WASF3: variants seen among roughly 807,000 people sequenced by gnomAD.
The protein encoded by WASF3 is WASP family member 3, also known as actin-binding protein WASF3.
A neutral mutation model predicts 46.6 loss-of-function variants in WASF3; 11 were observed. The ratio of observed to expected loss-of-function variants is 0.24; its 90% CI spans 0.15 to 0.39. The LOEUF (loss-of-function observed/expected upper bound fraction) is 0.39. Ranked by LOEUF, WASF3 falls within the 10% of genes least tolerant of loss-of-function variation. The probability of loss-of-function intolerance (pLI) is 1.00; values close to 1 mark genes in which losing one functional copy is unlikely to be tolerated. For missense variants in WASF3, 576 were observed against 669.8 expected, an observed-to-expected ratio of 0.86 and a Z score of 1.55; for synonymous variants, 242 against 259.7, an observed-to-expected ratio of 0.93 and a Z score of 0.65.
At chr13:26,640,013 T>C (rs1399896152) in intron 2 of WASF3, 1 of 151,914 alleles carries the variant, frequency 6.6e-6, no homozygotes, top group Non-Finnish European at 1.5e-5. Context: ...TGGCTAGGAG[T>C]GTGAGAGCCA....
intron 1 of WASF3, among the ~76,000 whole-genome samples, chr13:26,597,861 A>G (rs1416479452): frequency 6.6e-6 from 1 of 152,110 alleles, no homozygotes; most frequent in Middle Eastern, 3.2e-3. Context: ...AATCCAGTCT[A>G]TCATTGTTGG....
chr13:26,630,267 G>A (rs1295769493), intron 2 of WASF3, among the ~76,000 whole-genome samples: 2 of 152,018 alleles, frequency 1.3e-5, no homozygotes, highest in Non-Finnish European at 2.9e-5. Context: ...TCACTAACTC[G>A]TCATTTACAT....
upstream of WASF3, among the ~76,000 whole-genome samples, chr13:26,557,412 G>A (rs568312192): frequency 2.0e-5 from 3 of 152,158 alleles, no homozygotes; most frequent in South Asian, 2.1e-4. Flanking sequence ...CTCTTGGCCC[G>A]AAGTATCCCC....
At chr13:26,585,921 G>A (rs1348150872) in intron 1 of WASF3, among the ~76,000 whole-genome samples, 2 of 152,064 alleles carry the variant, frequency 1.3e-5, no homozygotes, top group Non-Finnish European at 2.9e-5. Context: ...CATAGGCCTA[G>A]GAAAGAAAGG....
intron 1 of WASF3, among the ~76,000 whole-genome samples, chr13:26,591,929 G>A (rs1389775191): frequency 6.6e-6 from 1 of 152,192 alleles, no homozygotes; most frequent in East Asian, 1.9e-4. Flanking sequence ...TCACTGTGGG[G>A]TGTTAATCCC....
intron 1 of WASF3, among the ~76,000 whole-genome samples, chr13:26,593,592 T>C (rs1371651259): frequency 1.3e-5 from 2 of 152,212 alleles, no homozygotes; most frequent in South Asian, 2.1e-4. Flanking sequence ...TTATTTCATG[T>C]CATATTTTCT....
chr13:26,571,382 A>G (rs1879628415), intron 1 of WASF3, among the ~76,000 whole-genome samples: 1 of 152,242 alleles, frequency 6.6e-6, no homozygotes, highest in Admixed American at 6.5e-5. Context: ...CATTTTTTAC[A>G]TTTAGATTTA....
At chr13:26,675,513 CA>C in intron 6 of WASF3, among the ~76,000 whole-genome samples, 1 of 112,768 alleles carries the variant, frequency 8.9e-6, no homozygotes, top group Non-Finnish European at 1.9e-5. Context: ...CACACACACA[CA>C]CACACACACG....
At position 26,676,537 on chromosome 13, in the gene WASF3, C is replaced by T; in HGVS notation, c.541-12C>T. ...TGTCTTGGCATGCTCTCTTTCCTTTCCTGGACATCAGGAGCAAAAGCGTAT... is the reference window on the plus strand; with the variant it reads ...TGTCTTGGCATGCTCTCTTTCCTTTTCTGGACATCAGGAGCAAAAGCGTAT... On this transcript the variant is annotated splice_polypyrimidine_tract_variant and intron_variant, in intron 6 of 9. Coordinates refer to ENST00000335327, the MANE Select transcript of WASF3 (RefSeq NM_006646.6). 6.2e-7 allele frequency: 1 copy of T among 1,612,042 alleles called. No individual in the cohort carries two copies. The highest frequency in any genetic ancestry group is 8.5e-7 in the Non-Finnish European group (1 of 1,179,192).
At position 26,685,692 on chromosome 13, in the gene WASF3, T is replaced by C; in HGVS notation, c.1356T>C (p.Ile452=). The change falls in exon 10 of 10, where the codon ATT becomes ATC. Residue 452 remains isoleucine, a synonymous_variant. Coordinates refer to ENST00000335327, the MANE Select transcript of WASF3 (RefSeq NM_006646.6). ...AACCACGTGTTGTGTCTGCAGGAAT[T>C]CAACTGAAAAAGGTGCAGGAGCAGC... The part of the protein sequence containing the change: ...SDLLAAIRMG[I]QLKKVQEQRE... The C allele has an allele frequency of 6.2e-7, 1 of 1,614,032 alleles. No homozygotes were observed. The highest frequency in any genetic ancestry group is 8.5e-7 in the Non-Finnish European group (1 of 1,179,914).
At chr13:26,626,385 T>C (rs1881464556) in intron 2 of WASF3, 1 of 152,228 alleles carries the variant, frequency 6.6e-6, no homozygotes, top group South Asian at 2.1e-4. Context: ...GCAAGGAATG[T>C]TCTTGCTAAA....
chr13:26,585,437 G>T (rs949290944), intron 1 of WASF3, among the ~76,000 whole-genome samples: 9 of 152,164 alleles, frequency 5.9e-5, no homozygotes, highest in African/African-American at 2.2e-4. Flanking sequence ...ATAATGATAA[G>T]TTAAATAACT....
At chr13:26,587,795 AC>A (rs1566043174) in intron 1 of WASF3, among the ~76,000 whole-genome samples, 1 of 152,208 alleles carries the variant, frequency 6.6e-6, no homozygotes, top group African/African-American at 2.4e-5. Context: ...AAATAATGGA[AC>A]AAATGAAGAG....
chr13:26,552,187 G>C, the WASF3 span, among the ~76,000 whole-genome samples: 1 of 152,092 alleles, frequency 6.6e-6, no homozygotes, highest in Non-Finnish European at 1.5e-5. Context: ...GTTACCTTGG[G>C]GGAAAAAGAC....
At chr13:26,628,183 A>G (rs1436327498) in intron 2 of WASF3, among the ~76,000 whole-genome samples, 1 of 152,170 alleles carries the variant, frequency 6.6e-6, no homozygotes, top group Non-Finnish European at 1.5e-5. Context: ...CAATCCTGAG[A>G]AATAGCTTGC....
chr13:26,620,607 T>G (rs569681924), intron 2 of WASF3: 40 of 152,282 alleles, frequency 2.6e-4, no homozygotes, highest in African/African-American at 7.9e-4. Context: ...GACCAAAGGC[T>G]TGATCTTCAC....
chr13:26,607,573 A>G (rs1324285901), intron 1 of WASF3, among the ~76,000 whole-genome samples: 1 of 152,038 alleles, frequency 6.6e-6, no homozygotes, highest in Non-Finnish European at 1.5e-5. Context: ...GGTGGCCATG[A>G]ATCTCTTATT....
At chr13:26,650,299 T>C (rs1272738855) in intron 3 of WASF3, among the ~76,000 whole-genome samples, 1 of 152,142 alleles carries the variant, frequency 6.6e-6, no homozygotes, top group Non-Finnish European at 1.5e-5. Context: ...TAGGACTGTA[T>C]AACACTCCCT....
At chr13:26,563,452 C>A (rs927444806) in intron 1 of WASF3, among the ~76,000 whole-genome samples, 34 of 151,942 alleles carry the variant, frequency 2.2e-4, no homozygotes, top group Non-Finnish European at 2.1e-4. Context: ...GTCAGGAGTT[C>A]GAGAACAGCA....
Sources: gnomAD v4.1 joint callset for allele counts (sites outside exome capture counted in the v4.1 genomes callset) on GRCh38, gnomAD v4.1.1 for gene constraint, MANE v1.5 for transcripts, NCBI Gene and HGNC (gene_info 2026-07-23, HGNC 2026-07-21) for gene names.